Variants in SLC14A2 observed in about 807,000 individuals in gnomAD.
The protein encoded by SLC14A2 is urea transporter 2.
In SLC14A2, 91 loss-of-function variants were observed where a neutral mutation model predicts 104.6. The ratio of observed to expected loss-of-function variants is 0.87; its 90% CI spans 0.73 to 1.04. SLC14A2 has a LOEUF of 1.04. Ranked by LOEUF, SLC14A2 falls within the 50% of genes least tolerant of loss-of-function variation. The probability of loss-of-function intolerance (pLI) is 0.00; values close to 1 mark genes in which losing one functional copy is unlikely to be tolerated. For missense variants in SLC14A2, 1,189 were observed against 1,156.0 expected (o/e 1.03, Z -0.41); for synonymous variants, 476 against 466.4 (o/e 1.02, Z -0.27).
intron 1 of SLC14A2, among the ~76,000 whole-genome samples, chr18:45,240,091 CTTTTTTTTTTTT>C (rs763802776): frequency 3.3e-5 from 3 of 89,638 alleles, no homozygotes; most frequent in Admixed American, 1.4e-4. Context: ...GCAAATATCT[CTTTTTTTTTTTT>C]TTTTTTTTTT....
At chr18:45,631,790 T>A (rs2045349426) in intron 4 of SLC14A2, among the ~76,000 whole-genome samples, 1 of 152,092 alleles carries the variant, frequency 6.6e-6, no homozygotes, top group African/African-American at 2.4e-5. Flanking sequence ...CCTGGCTAAT[T>A]TTTGTATTTT....
chr18:45,421,505 T>G (rs746475612), intron 1 of SLC14A2, among the ~76,000 whole-genome samples: 6 of 152,218 alleles, frequency 3.9e-5, no homozygotes, highest in Non-Finnish European at 7.4e-5. Flanking sequence ...TAAGGGTTCA[T>G]CAGAACATCT....
intron 2 of SLC14A2, among the ~76,000 whole-genome samples, chr18:45,530,723 A>C (rs2144830778): frequency 6.6e-6 from 1 of 152,204 alleles, no homozygotes; most frequent in Non-Finnish European, 1.5e-5. Flanking sequence ...TTATACTTTA[A>C]GTTTTAGGGT....
intron 2 of SLC14A2, among the ~76,000 whole-genome samples, chr18:45,579,106 T>TG (rs11400000): frequency 0.9 from 136,273 of 152,214 alleles, 61,331 homozygotes; most frequent in Middle Eastern, 0.96. Flanking sequence ...GCAAGGCCTT[T>TG]GGGGACTAGA....
At chr18:45,208,685 TGAG>T (rs1204879964), upstream of SLC14A2, among the ~76,000 whole-genome samples, 1 of 152,038 alleles carries the variant, frequency 6.6e-6, no homozygotes, top group African/African-American at 2.4e-5. Context: ...AATGGCAGAC[TGAG>T]AAGCTGGGTT....
chr18:45,332,495 A>ACGG (rs2085300495), intron 1 of SLC14A2, among the ~76,000 whole-genome samples: 5 of 152,160 alleles, frequency 3.3e-5, no homozygotes, highest in Admixed American at 2.6e-4. Flanking sequence ...GGTCTTGCCC[A>ACGG]ATCTCCCACA....
chr18:45,508,405 T>G (rs1369258289), intron 2 of SLC14A2, among the ~76,000 whole-genome samples: 1 of 151,894 alleles, frequency 6.6e-6, no homozygotes, highest in African/African-American at 2.4e-5. Flanking sequence ...TCTCATGAGA[T>G]CTGATGATTT....
intron 1 of SLC14A2, among the ~76,000 whole-genome samples, chr18:45,350,171 A>C (rs2085488413): frequency 6.6e-6 from 1 of 152,222 alleles, no homozygotes. Flanking sequence ...CCTATGACTG[A>C]AGGTAGCCAG....
chr18:45,618,131 T>C (rs1185698147), intron 1 of SLC14A2, among the ~76,000 whole-genome samples: 4 of 152,100 alleles, frequency 2.6e-5, no homozygotes, highest in East Asian at 1.9e-4. Context: ...CCAACCTGCC[T>C]CATGGGAAAG....
At chr18:45,264,220 T>C (rs921008216) in intron 1 of SLC14A2, among the ~76,000 whole-genome samples, 12 of 152,304 alleles carry the variant, frequency 7.9e-5, no homozygotes, top group African/African-American at 2.9e-4. Flanking sequence ...CTTCCTATTT[T>C]CCTTTTTTGT....
chr18:45,173,597 C>T, the SLC14A2 span, among the ~76,000 whole-genome samples: 4 of 151,890 alleles, frequency 2.6e-5, no homozygotes, highest in African/African-American at 9.7e-5. Context: ...TGCTGATGGG[C>T]TAGTGAAGAG....
chr18:45,682,855 G>A lies in SLC14A2; in HGVS notation c.*336G>A. 1 of 259,734 alleles carries A rather than the reference G, an allele frequency of 3.9e-6. No individual in the cohort carries two copies. Among genetic ancestry groups the A allele is most frequent in the Non-Finnish European group, 7.7e-6 (1 of 130,340 alleles). 16.1% of individuals were successfully genotyped at this position (259,734 alleles called of 1,614,324 possible). On this transcript the variant is annotated 3_prime_UTR_variant, in exon 20 of 20. Transcript: ENST00000255226. Reference sequence around the variant, plus strand: ...CACGCCTGTAATCCCAGCACTTTGGGAGGCCGAGGCGGGTGGATCACGAGG... The same window carrying A: ...CACGCCTGTAATCCCAGCACTTTGGAAGGCCGAGGCGGGTGGATCACGAGG...
At chr18:45,315,400 G>A (rs1455651336) in intron 1 of SLC14A2, among the ~76,000 whole-genome samples, 1 of 152,134 alleles carries the variant, frequency 6.6e-6, no homozygotes, top group Non-Finnish European at 1.5e-5. Flanking sequence ...GAGGGTGGGG[G>A]AGAAAAGAAG....
intron 1 of SLC14A2, among the ~76,000 whole-genome samples, chr18:45,221,543 G>A (rs1030510173): frequency 1.3e-5 from 2 of 152,094 alleles, no homozygotes; most frequent in African/African-American, 2.4e-5. Flanking sequence ...GCCCTCATCT[G>A]GAACATATTT....
intron 2 of SLC14A2, among the ~76,000 whole-genome samples, chr18:45,519,273 A>G (rs1422436509): frequency 6.6e-6 from 1 of 152,220 alleles, no homozygotes; most frequent in East Asian, 1.9e-4. Flanking sequence ...CATGAAGGCA[A>G]CAGAAGGCAA....
rs139943048 is a variant in SLC14A2 at position 45,409,962 on chromosome 18, T to A, written c.-124-73271T>A. 2.8e-4 allele frequency among the ~76,000 whole-genome samples: 42 copies of A among 152,304 alleles called. 2 individuals are homozygous for A. In the East Asian group the frequency reaches 8.1e-3, roughly 29 times the overall value. On this transcript the variant is annotated intron_variant, in intron 1 of 20. Transcript: ENST00000586448. ...TCACCGTAATGTAGAATCAGTGGGA[T>A]CCCTAAGCTTGTTTTCCTGTAACTA...
intron 1 of SLC14A2, among the ~76,000 whole-genome samples, chr18:45,218,349 C>A (rs7227433): frequency 1.3e-5 from 2 of 152,116 alleles, no homozygotes; most frequent in Admixed American, 6.5e-5. Flanking sequence ...AATTTACTTC[C>A]TTTTCAAGGC....
intron 2 of SLC14A2, among the ~76,000 whole-genome samples, chr18:45,574,386 G>A (rs1381232543): frequency 6.6e-6 from 1 of 152,132 alleles, no homozygotes; most frequent in Non-Finnish European, 1.5e-5. Context: ...AGGTCTTCAG[G>A]GTTCTTCCTA....
chr18:45,285,661 GCCCCC>G (rs10536916), intron 1 of SLC14A2, among the ~76,000 whole-genome samples: 2,613 of 125,100 alleles, frequency 0.021, 61 homozygotes, highest in East Asian at 0.032. Context: ...CAGGTGATCT[GCCCCC>G]CCCCCCCCTC....
Sources: gnomAD v4.1 joint callset for allele counts (sites outside exome capture counted in the v4.1 genomes callset) on GRCh38, gnomAD v4.1.1 for gene constraint, MANE v1.5 for transcripts, NCBI Gene and HGNC (gene_info 2026-07-23, HGNC 2026-07-21) for gene names.